Variants in LOXL2 observed in about 807,000 individuals in gnomAD.
The protein encoded by LOXL2 is lysyl oxidase like 2, also known as lysyl oxidase homolog 2.
In LOXL2, 70 loss-of-function variants were observed where a neutral mutation model predicts 93.0. That is an observed-to-expected ratio of 0.75 (90% CI 0.62 to 0.92). LOXL2 has a LOEUF of 0.92. LOXL2 is among the 40% of genes least tolerant of loss of function. LOXL2 has a pLI of 0.00. For synonymous variants in LOXL2, 438 were observed against 413.2 expected, an observed-to-expected ratio of 1.06 and a Z score of -0.73; for missense variants, 973 against 1,054.9, an observed-to-expected ratio of 0.92 and a Z score of 1.08.
At chr8:23,402,035 T>TGCGTGCACACAC (rs1800157280) in intron 1 of LOXL2, among the ~76,000 whole-genome samples, 1 of 152,148 alleles carries the variant, frequency 6.6e-6, no homozygotes, top group African/African-American at 2.4e-5. Context: ...CGTGCACACA[T>TGCGTGCACACAC]GCGTGCACAC....
chr8:23,305,173 G>T (rs909857963), intron 10 of LOXL2, among the ~76,000 whole-genome samples: 1 of 152,230 alleles, frequency 6.6e-6, no homozygotes, highest in Non-Finnish European at 1.5e-5. Flanking sequence ...CGCTCAGAGA[G>T]GGGCTTATGT....
At position 23,298,862 on chromosome 8, in the gene LOXL2, C is replaced by T. The variant is rs757569668; in HGVS notation, c.2219G>A (p.Arg740His). The change falls in exon 13 of 14, where the codon CGC becomes CAC. Residue 740 changes from arginine to histidine, a missense_variant. Transcript: ENST00000389131. The stretch of plus-strand genomic sequence containing the variant: ...TATGTGGCAGTTGTACATCCAGATG[C>T]GGTGGCCGTCATAGCGGCTCCTGCA... The part of the protein sequence containing the change: ...MKCRSRYDGH[R>H]IWMYNCHIGG... The T allele has an allele frequency of 1.2e-5, 19 of 1,613,282 alleles. No homozygotes were observed. The highest frequency in any genetic ancestry group is 5.5e-5 in the South Asian group (5 of 91,066).
chr8:23,399,855 G>A (rs953108743), intron 1 of LOXL2, among the ~76,000 whole-genome samples: 53 of 152,182 alleles, frequency 3.5e-4, no homozygotes, highest in African/African-American at 1.2e-3. Context: ...TATTAGCTAA[G>A]GAAAAAGAAT....
intron 1 of LOXL2, among the ~76,000 whole-genome samples, chr8:23,397,970 A>G (rs1190737099): frequency 6.6e-6 from 1 of 151,292 alleles, no homozygotes; most frequent in Non-Finnish European, 1.5e-5. Context: ...CAAAAAAAAA[A>G]AAAAAAAAAA....
At chr8:23,332,486 ACCC>A (rs1186472588) in intron 5 of LOXL2, among the ~76,000 whole-genome samples, 1 of 30,282 alleles carries the variant, frequency 3.3e-5, no homozygotes, top group Non-Finnish European at 5.9e-5. Context: ...ACACTCCCAT[ACCC>A]CCCCACTCAT....
rs375728660 is a variant in LOXL2 at position 23,367,990 on chromosome 8, C to T, written c.355+7G>A. Reference sequence around the variant, plus strand: ...CAGCACTCAGATCCAAAGCACAGAGCGTTTACCTTCTCCCTTGCCGTAGGA... The same window carrying T: ...CAGCACTCAGATCCAAAGCACAGAGTGTTTACCTTCTCCCTTGCCGTAGGA... On this transcript the variant is annotated splice_region_variant and intron_variant, in intron 2 of 13. Coordinates refer to ENST00000389131, the MANE Select transcript of LOXL2 (RefSeq NM_002318.3). The T allele has an allele frequency of 1.6e-5, 25 of 1,607,338 alleles. No individual in the cohort carries two copies. The highest frequency in any genetic ancestry group is 4.4e-5 in the South Asian group (4 of 90,336).
At chr8:23,390,312 G>C (rs1217182207) in intron 1 of LOXL2, among the ~76,000 whole-genome samples, 1 of 152,188 alleles carries the variant, frequency 6.6e-6, no homozygotes, top group East Asian at 1.9e-4. Context: ...GTGGCTCGGG[G>C]GCCATGGGAC....
intron 3 of LOXL2, among the ~76,000 whole-genome samples, chr8:23,344,334 G>GT (rs1259316269): frequency 6.6e-6 from 1 of 152,142 alleles, no homozygotes; most frequent in African/African-American, 2.4e-5. Flanking sequence ...CACTGCATAC[G>GT]TGTTTATGCA....
rs1563197364 is a variant in LOXL2, at chr8:23,346,105, A to AT, written c.532-4903dup. 4.6e-4 allele frequency among the ~76,000 whole-genome samples: 47 copies of AT among 103,068 alleles called. No homozygotes were observed. In the East Asian group the frequency reaches 9.1e-3, roughly 20 times the overall value. 67.6% of individuals were successfully genotyped at this position (103,068 alleles called of 152,430 possible). On this transcript the variant is annotated intron_variant, in intron 3 of 13. Coordinates refer to ENST00000389131, the MANE Select transcript of LOXL2 (RefSeq NM_002318.3). ...AAATAATAAAATAAAATAAAATAAA[A>AT]TAAAATAAAATTAAAATAAAATAAA...
intron 6 of LOXL2, among the ~76,000 whole-genome samples, chr8:23,325,606 G>A (rs1184158488): frequency 2.6e-5 from 4 of 152,192 alleles, no homozygotes; most frequent in African/African-American, 4.8e-5. Context: ...GACAGCACCG[G>A]TCTAGTGTTG....
In LOXL2 at chr8:23,297,818, A is replaced by AC. The variant is rs1415728773; in HGVS notation, c.*224dup. 96 of 508,060 alleles carry AC rather than the reference A, an allele frequency of 1.9e-4. No individual in the cohort carries two copies. Among genetic ancestry groups the AC allele is most frequent in the Admixed American group, 3.1e-4 (9 of 29,418 alleles). The allele number at this position is 508,060 out of a possible 1,614,324, so 31.5% of individuals were successfully genotyped here. ...TCCAGCAGCTCTGTGGACAAACCCC[A>AC]CCCCCGCAAGGCCTTCTCAGGCCCC... On this transcript the variant is annotated 3_prime_UTR_variant, in exon 14 of 14. Transcript: ENST00000389131.
intron 6 of LOXL2, among the ~76,000 whole-genome samples, chr8:23,327,912 C>T (rs1803607138): frequency 6.6e-6 from 1 of 152,182 alleles, no homozygotes; most frequent in African/African-American, 2.4e-5. Flanking sequence ...TGTTCCCTTT[C>T]TCTGCTGTCA....
At chr8:23,349,791 T>C (rs1230283430) in intron 3 of LOXL2, among the ~76,000 whole-genome samples, 2 of 151,886 alleles carry the variant, frequency 1.3e-5, no homozygotes, top group Non-Finnish European at 2.9e-5. Flanking sequence ...CCAACCATGT[T>C]TGAGGACCCA....
intron 2 of LOXL2, among the ~76,000 whole-genome samples, chr8:23,362,046 A>T (rs755984261): frequency 6.6e-6 from 1 of 151,088 alleles, no homozygotes; most frequent in Admixed American, 6.6e-5. Flanking sequence ...TGTCTCTAAG[A>T]GATATCTACA....
intron 1 of LOXL2, among the ~76,000 whole-genome samples, chr8:23,371,790 T>C (rs955052512): frequency 3.0e-5 from 4 of 131,504 alleles, no homozygotes; most frequent in African/African-American, 1.2e-4. Flanking sequence ...AAAAAATGCA[T>C]GGCAAGCGCA....
rs1585374708 is a variant in LOXL2, at chr8:23,369,303, A to G, written c.-83-869T>C. ...TAAGAATTCCCGAGTGAAATCATGT[A>G]GCAAGAGACCTCGTGTATCTTGGTC... On this transcript the variant is annotated intron_variant, in intron 1 of 13. Coordinates refer to ENST00000389131, the MANE Select transcript of LOXL2 (RefSeq NM_002318.3). 3.3e-5 allele frequency among the ~76,000 whole-genome samples: 5 copies of G among 152,322 alleles called. No individual in the cohort carries two copies. In the Middle Eastern group the frequency reaches 0.014, roughly 414 times the overall value.
At chr8:23,336,919 G>A (rs1803802097) in intron 4 of LOXL2, 1 of 152,138 alleles carries the variant, frequency 6.6e-6, no homozygotes, top group Non-Finnish European at 1.5e-5. Flanking sequence ...AGGCTACGAG[G>A]GTGCTTCCTT....
chr8:23,313,334 A>G lies in LOXL2; in HGVS notation c.1637-3423T>C, dbSNP rs567026744. Reference sequence around the variant, plus strand: ...GTGGAGCCAAAAAAGAGCCCGCATCACCAAGTCAATCGTAAGCCAAAAGAA... The same window carrying G: ...GTGGAGCCAAAAAAGAGCCCGCATCGCCAAGTCAATCGTAAGCCAAAAGAA... On this transcript the variant is annotated intron_variant, in intron 9 of 13. Transcript: ENST00000389131. 5.1e-3 allele frequency among the ~76,000 whole-genome samples: 783 copies of G among 152,220 alleles called. 7 individuals are homozygous for G. The highest frequency in any genetic ancestry group is 7.5e-3 in the Non-Finnish European group (508 of 68,018).
chr8:23,321,077 GTC>G (rs1482062610), intron 7 of LOXL2, among the ~76,000 whole-genome samples: 1 of 13,964 alleles, frequency 7.2e-5, no homozygotes, highest in Non-Finnish European at 2.6e-4. Context: ...TTTATCTCTC[GTC>G]TCTCTCCAAT....
Sources: gnomAD v4.1 joint callset for allele counts (sites outside exome capture counted in the v4.1 genomes callset) on GRCh38, gnomAD v4.1.1 for gene constraint, MANE v1.5 for transcripts, NCBI Gene and HGNC (gene_info 2026-07-23, HGNC 2026-07-21) for gene names.